NPAS3: variants seen among roughly 807,000 people sequenced by gnomAD.
NPAS3 encodes neuronal PAS domain-containing protein 3.
Under a neutral mutation model 73.1 loss-of-function variants are expected in NPAS3, and 14 were observed. The ratio of observed to expected loss-of-function variants is 0.19; its 90% CI spans 0.13 to 0.30. The LOEUF is 0.30. Ranked by LOEUF, NPAS3 falls within the 10% of genes least tolerant of loss-of-function variation. The pLI, the probability that NPAS3 is intolerant of heterozygous loss-of-function variation, is 1.00. For synonymous variants in NPAS3, 620 were observed against 541.5 expected, an observed-to-expected ratio of 1.14 and a Z score of -2.01; for missense variants, 1,096 against 1,250.0, an observed-to-expected ratio of 0.88 and a Z score of 1.86.
At chr14:33,279,771 T>C (rs1421406829) in intron 3 of NPAS3, among the ~76,000 whole-genome samples, 2 of 152,146 alleles carry the variant, frequency 1.3e-5, no homozygotes, top group South Asian at 2.1e-4. Context: ...CATTATGTAA[T>C]GTCAGAATAC....
chr14:32,975,777 A>G (rs1424931400), intron 1 of NPAS3, among the ~76,000 whole-genome samples: 2 of 152,176 alleles, frequency 1.3e-5, no homozygotes, highest in African/African-American at 4.8e-5. Flanking sequence ...ACAGCAACAA[A>G]CAGCTCTGCA....
At chr14:32,988,110 A>C (rs1029627522) in intron 1 of NPAS3, among the ~76,000 whole-genome samples, 2 of 152,212 alleles carry the variant, frequency 1.3e-5, no homozygotes, top group Non-Finnish European at 2.9e-5. Flanking sequence ...AAAATATTCA[A>C]ATAAGATTTA....
chr14:33,308,189 A>G (rs1299394710), intron 3 of NPAS3, among the ~76,000 whole-genome samples: 4 of 152,102 alleles, frequency 2.6e-5, no homozygotes, highest in Non-Finnish European at 5.9e-5. Context: ...TGCTGCTTAC[A>G]GGAAAGGTCA....
intron 4 of NPAS3, among the ~76,000 whole-genome samples, chr14:33,375,868 AAACT>A (rs1489548323): frequency 1.3e-5 from 2 of 152,184 alleles, no homozygotes; most frequent in Non-Finnish European, 2.9e-5. Flanking sequence ...GTAATTTAGC[AAACT>A]AACATCAGAG....
intron 11 of NPAS3, among the ~76,000 whole-genome samples, chr14:33,798,977 C>CAAAAA (rs35096703): frequency 0.21 from 22,461 of 105,828 alleles, 3,387 homozygotes; most frequent in Non-Finnish European, 0.28. Context: ...CCTGTCTCTA[C>CAAAAA]AAAAAAAAAA....
At chr14:33,217,839 G>A (rs1040400258) in intron 3 of NPAS3, among the ~76,000 whole-genome samples, 2 of 152,174 alleles carry the variant, frequency 1.3e-5, no homozygotes, top group Non-Finnish European at 2.9e-5. Flanking sequence ...TTGCAATTCA[G>A]CGTTAGCATA....
intron 5 of NPAS3, chr14:33,578,472 G>A (rs2056535689): frequency 3.0e-6 from 1 of 332,516 alleles, no homozygotes; most frequent in Non-Finnish European, 5.8e-6. Context: ...GGGATTACAG[G>A]CATAAGACAC....
At chr14:33,448,275 A>T (rs1198557794) in intron 4 of NPAS3, among the ~76,000 whole-genome samples, 1 of 152,218 alleles carries the variant, frequency 6.6e-6, no homozygotes, top group Non-Finnish European at 1.5e-5. Flanking sequence ...AGAAGAACAT[A>T]TAAAGTTTTA....
chr14:33,065,683 G>GT (rs2041252872), intron 2 of NPAS3, among the ~76,000 whole-genome samples: 1 of 151,964 alleles, frequency 6.6e-6, no homozygotes, highest in Non-Finnish European at 1.5e-5. Context: ...CCTCAAGCCA[G>GT]TTATAAAGGA....
chr14:33,448,395 G>C (rs1460055704), intron 4 of NPAS3, among the ~76,000 whole-genome samples: 1 of 152,208 alleles, frequency 6.6e-6, no homozygotes, highest in Non-Finnish European at 1.5e-5. Context: ...ATCTTGAAGA[G>C]AGTAGTGAAG....
intron 6 of NPAS3, among the ~76,000 whole-genome samples, chr14:33,712,542 G>A (rs916826713): frequency 6.6e-6 from 1 of 152,162 alleles, no homozygotes; most frequent in African/African-American, 2.4e-5. Flanking sequence ...ATTCAAGTTC[G>A]AGACAAAAAC....
rs557030709 is a variant in NPAS3, at chr14:33,575,087, G to A, written c.558+14877G>A. Among the ~76,000 whole-genome samples, 10 of 152,286 alleles carry A rather than the reference G, an allele frequency of 6.6e-5. No homozygotes were observed. In the South Asian group the frequency reaches 1.9e-3, roughly 28 times the overall value. The stretch of plus-strand genomic sequence containing the variant: ...ATTCTAACTCTTTTCTACCAAACAC[G>A]TTAGGAGGTCCTGCCCCAAGACAAA... On this transcript the variant is annotated intron_variant, in intron 5 of 11. Coordinates refer to ENST00000356141, the Ensembl canonical transcript of NPAS3.
chr14:33,091,872 A>G (rs1438242778), intron 2 of NPAS3, among the ~76,000 whole-genome samples: 1 of 152,188 alleles, frequency 6.6e-6, no homozygotes, highest in African/African-American at 2.4e-5. Flanking sequence ...GACAAAAACC[A>G]CATGATTATC....
chr14:33,543,851 C>T (rs979113383), intron 4 of NPAS3, among the ~76,000 whole-genome samples: 1 of 151,282 alleles, frequency 6.6e-6, no homozygotes, highest in Non-Finnish European at 1.5e-5. Flanking sequence ...GAATGGGGTC[C>T]AAGTCAATTG....
At chr14:33,455,810 TCTTTTAACAGC>T (rs57676610) in intron 4 of NPAS3, among the ~76,000 whole-genome samples, 21,142 of 152,202 alleles carry the variant, frequency 0.14, 1,794 homozygotes, top group African/African-American at 0.23. Context: ...CTTGCTCATT[TCTTTTAACAGC>T]CTTTGTTATG....
chr14:33,801,059 T>C, exon 12 of NPAS3: 1 of 1,594,910 alleles, frequency 6.3e-7, no homozygotes, highest in Non-Finnish European at 8.5e-7. Context: ...CTTCCCCGTC[T>C]ACAGCAACGG....
chr14:33,675,981 GA>G lies in NPAS3; in HGVS notation c.559-217del, dbSNP rs370850396. 3.9e-3 allele frequency among the ~76,000 whole-genome samples: 532 copies of G among 138,076 alleles called. 1 individual carries two copies. The highest frequency in any genetic ancestry group is 6.4e-3 in the African/African-American group (242 of 37,904). The allele number at this position is 138,076 out of a possible 152,430, so 90.6% of individuals were successfully genotyped here. On this transcript the variant is annotated intron_variant, in intron 5 of 11. Transcript: ENST00000356141. ...CTTTATGCAAACAACAGTGTGTGAG[GA>G]AAAAAAAAAAAACTGAGCTTAACAA...
intron 4 of NPAS3, among the ~76,000 whole-genome samples, chr14:33,379,522 C>A (rs1383833181): frequency 1.3e-5 from 2 of 152,168 alleles, no homozygotes; most frequent in African/African-American, 4.8e-5. Flanking sequence ...GCAGACATCA[C>A]ATTTTTGTTA....
intron 5 of NPAS3, among the ~76,000 whole-genome samples, chr14:33,612,743 C>A (rs1449393286): frequency 6.6e-6 from 1 of 152,080 alleles, no homozygotes. Flanking sequence ...ACTAGCTGAC[C>A]TCCCTCCCGT....
Sources: allele counts gnomAD v4.1 joint callset (sites outside exome capture counted in the v4.1 genomes callset), GRCh38; gene constraint gnomAD v4.1.1; transcripts MANE v1.5; gene names NCBI Gene and HGNC (gene_info 2026-07-23, HGNC 2026-07-21).